Variants in RAB3GAP1 observed in about 807,000 individuals in gnomAD.
RAB3GAP1 encodes RAB3 GTPase activating protein catalytic subunit 1, also known as rab3 GTPase-activating protein catalytic subunit.
Under a neutral mutation model 130.7 loss-of-function variants are expected in RAB3GAP1, and 86 were observed. The ratio of observed to expected loss-of-function variants is 0.66; its 90% CI spans 0.55 to 0.79. The LOEUF (loss-of-function observed/expected upper bound fraction) is 0.79, where lower values mean the gene tolerates loss of function less well. Among genes scored for constraint, RAB3GAP1 ranks in the 30% least tolerant of loss-of-function variants. The probability of loss-of-function intolerance (pLI) is 0.00; values close to 1 mark genes in which losing one functional copy is unlikely to be tolerated. For missense variants in RAB3GAP1, 1,029 were observed against 1,169.4 expected (o/e 0.88, Z 1.75); for synonymous variants, 367 against 401.7 (o/e 0.91, Z 1.03).
chr2:135,081,583 A>G (rs1269234284), intron 3 of RAB3GAP1, among the ~76,000 whole-genome samples: 2 of 151,628 alleles, frequency 1.3e-5, no homozygotes, highest in East Asian at 1.9e-4. Context: ...ATTGAGAGCT[A>G]GGTTTTTATT....
chr2:135,129,338 G>C (rs1691453475), intron 11 of RAB3GAP1, among the ~76,000 whole-genome samples: 1 of 151,042 alleles, frequency 6.6e-6, no homozygotes, highest in Non-Finnish European at 1.5e-5. Context: ...TGTAGTCCCA[G>C]CTACTTGGGA....
At chr2:135,114,800 T>C (rs1690918169) in intron 6 of RAB3GAP1, among the ~76,000 whole-genome samples, 1 of 152,234 alleles carries the variant, frequency 6.6e-6, no homozygotes, top group Non-Finnish European at 1.5e-5. Context: ...TTCTTGTGCT[T>C]GGGAGCCTTA....
At chr2:135,083,351 C>T (rs1313206977) in intron 3 of RAB3GAP1, among the ~76,000 whole-genome samples, 1 of 151,980 alleles carries the variant, frequency 6.6e-6, no homozygotes, top group Non-Finnish European at 1.5e-5. Flanking sequence ...TTTCTAGATC[C>T]TATGTTTGTT....
intron 11 of RAB3GAP1, among the ~76,000 whole-genome samples, chr2:135,128,050 A>G (rs551815105): frequency 9.4e-4 from 143 of 152,304 alleles, no homozygotes; most frequent in African/African-American, 3.2e-3. Context: ...GAGTTACCAA[A>G]GATTTATTAT....
chr2:135,155,245 A>G (rs995555604), intron 19 of RAB3GAP1, among the ~76,000 whole-genome samples: 4 of 152,126 alleles, frequency 2.6e-5, no homozygotes, highest in African/African-American at 9.6e-5. Flanking sequence ...AAAGAAAACC[A>G]TATAAAAAAT....
intron 3 of RAB3GAP1, among the ~76,000 whole-genome samples, chr2:135,075,639 CT>C (rs11462014): frequency 3.2e-4 from 38 of 120,246 alleles, no homozygotes; most frequent in East Asian, 9.5e-4. Context: ...GCATGTTTGC[CT>C]TTTTTTTTTT....
chr2:135,068,516 G>A (rs867767190), intron 3 of RAB3GAP1, among the ~76,000 whole-genome samples: 15 of 151,514 alleles, frequency 9.9e-5, no homozygotes, highest in Non-Finnish European at 1.0e-4. Flanking sequence ...ACTTTGGGAG[G>A]CTGAGGTGGG....
At chr2:135,174,246 C>A (rs1374355506), downstream of RAB3GAP1, among the ~76,000 whole-genome samples, 1 of 148,572 alleles carries the variant, frequency 6.7e-6, no homozygotes, top group Non-Finnish European at 1.5e-5. Context: ...CAACTTGGGA[C>A]CCCATCCGGA....
intron 19 of RAB3GAP1, among the ~76,000 whole-genome samples, chr2:135,155,188 A>G (rs1394823223): frequency 1.3e-5 from 2 of 152,162 alleles, no homozygotes; most frequent in Non-Finnish European, 2.9e-5. Flanking sequence ...AACCCCACAA[A>G]GAAATGAAAC....
intron 5 of RAB3GAP1, among the ~76,000 whole-genome samples, chr2:135,107,881 A>ATCCT (rs1224147376): frequency 6.7e-6 from 1 of 150,202 alleles, no homozygotes; most frequent in Non-Finnish European, 1.5e-5. Context: ...AGGCTGAGAC[A>ATCCT]GGAGAATCAC....
At chr2:135,173,767 A>G (rs1163620209), downstream of RAB3GAP1, among the ~76,000 whole-genome samples, 1 of 152,158 alleles carries the variant, frequency 6.6e-6, no homozygotes, top group Non-Finnish European at 1.5e-5. Context: ...GCCTCAGTCC[A>G]ACAGGTGGCC....
intron 3 of RAB3GAP1, among the ~76,000 whole-genome samples, chr2:135,088,329 G>A (rs923772229): frequency 6.6e-6 from 1 of 151,992 alleles, no homozygotes; most frequent in African/African-American, 2.4e-5. Flanking sequence ...TTTGGTATAC[G>A]CAGTTGATGC....
rs1553448280 is a variant in RAB3GAP1, at chr2:135,147,615, T to TCCC, written c.1924-2747_1924-2745dup. Among the ~76,000 whole-genome samples the TCCC allele has an allele frequency of 1.2e-3, 158 of 132,990 alleles. 3 individuals are homozygous for TCCC. The highest frequency in any genetic ancestry group is 4.1e-3 in the South Asian group (14 of 3,438). 87.2% of individuals were successfully genotyped at this position (132,990 alleles called of 152,430 possible). ...CAGATTTTAATTAATAGTAGTCCCCTCCCCCCCCCTTTTTTTTTTGACTCG... is the reference window on the plus strand; with the variant it reads ...CAGATTTTAATTAATAGTAGTCCCCTCCCCCCCCCCCCTTTTTTTTTTGACTCG... On this transcript the variant is annotated intron_variant, in intron 17 of 23. Transcript: ENST00000264158.
intron 17 of RAB3GAP1, among the ~76,000 whole-genome samples, chr2:135,142,890 T>G (rs952320255): frequency 6.6e-6 from 1 of 151,936 alleles, no homozygotes; most frequent in African/African-American, 2.4e-5. Context: ...GAGTTTATTT[T>G]TTTTTTTTTT....
At chr2:135,060,797 C>T (rs1027601183) in intron 3 of RAB3GAP1, among the ~76,000 whole-genome samples, 1 of 152,018 alleles carries the variant, frequency 6.6e-6, no homozygotes, top group Admixed American at 6.6e-5. Context: ...CCTCTGCCTC[C>T]CGGGTTCAAG....
chr2:135,167,488 G>A (rs939285221), intron 23 of RAB3GAP1, among the ~76,000 whole-genome samples: 1 of 152,016 alleles, frequency 6.6e-6, no homozygotes, highest in Non-Finnish European at 1.5e-5. Context: ...GGATGCATGA[G>A]TAGTAGTAGA....
chr2:135,133,105 T>C, intron 14 of RAB3GAP1, 121 bp downstream of exon 14: 1 of 697,226 alleles, frequency 1.4e-6, no homozygotes, highest in South Asian at 1.6e-5. Context: ...TTGGGAATTT[T>C]GGATGGCAGA....
In RAB3GAP1 at chr2:135,117,513, G is replaced by GCTTCTT. The variant is rs1187892015; in HGVS notation, c.648+2135_648+2140dup. On this transcript the variant is annotated intron_variant, in intron 7 of 23. Coordinates refer to ENST00000264158, the MANE Select transcript of RAB3GAP1 (RefSeq NM_012233.3). The stretch of plus-strand genomic sequence containing the variant: ...TTCTTCTGCTTCTTCTTCTTCTTCT[G>GCTTCTT]CTTCTTCTGCTTCTTCTGCTTCTTC... Among the ~76,000 whole-genome samples, 17 of 26,872 alleles carry GCTTCTT rather than the reference G, an allele frequency of 6.3e-4. 1 individual carries two copies. Among genetic ancestry groups the GCTTCTT allele is most frequent in the African/African-American group, 1.9e-3 (12 of 6,370 alleles). The allele number at this position is 26,872 out of a possible 152,430, so 17.6% of individuals were successfully genotyped here.
Position 135,162,992 on chromosome 2 carries a change from A to T in RAB3GAP1, c.2497A>T (p.Ile833Phe). ...CTTCCTTTTCTACCGCCAGGAAATCATTCACCAGATTACTAATGTGGAAGC... is the reference window on the plus strand; with the variant it reads ...CTTCCTTTTCTACCGCCAGGAAATCTTTCACCAGATTACTAATGTGGAAGC... The part of the protein sequence containing the change: ...NPEDKKLEEI[I>F]HQITNVEALI... The change falls in exon 22 of 24, where the codon ATT (isoleucine) becomes TTT (phenylalanine). Residue 833 changes from isoleucine to phenylalanine, a missense_variant. By Grantham distance (21) the Ile-to-Phe change is conservative. This residue lies in a region of RAB3GAP1 where 373 missense variants were observed against 493.6 expected (regional missense o/e 0.76). Transcript: ENST00000264158. 1.9e-6 allele frequency: 3 copies of T among 1,612,900 alleles called. No individual in the cohort carries two copies. In the South Asian group the frequency reaches 3.3e-5, roughly 18 times the overall value.
Sources: allele counts gnomAD v4.1 joint callset (sites outside exome capture counted in the v4.1 genomes callset), GRCh38; gene constraint gnomAD v4.1.1; regional missense constraint gnomAD v4.1.1; transcripts MANE v1.5; gene names NCBI Gene and HGNC (gene_info 2026-07-23, HGNC 2026-07-21).